Variants in RBMS3 observed in about 807,000 individuals in gnomAD.
RBMS3 encodes the protein RNA-binding motif, single-stranded-interacting protein 3.
RBMS3 carries 27 observed loss-of-function variants against 66.8 expected under a neutral mutation model. That is an observed-to-expected ratio of 0.40 (90% CI 0.30 to 0.56). The LOEUF (loss-of-function observed/expected upper bound fraction) is 0.56, where lower values mean the gene tolerates loss of function less well. Ranked by LOEUF, RBMS3 falls within the 20% of genes least tolerant of loss-of-function variation. The pLI is 0.40. For missense variants in RBMS3, 513 were observed against 549.5 expected (o/e 0.93, Z 0.66); for synonymous variants, 188 against 183.0 (o/e 1.03, Z -0.22).
chr3:29,365,589 T>C (rs1378678685), intron 1 of RBMS3, among the ~76,000 whole-genome samples: 2 of 152,158 alleles, frequency 1.3e-5, no homozygotes, highest in South Asian at 4.1e-4. Context: ...TAAGTCTCTT[T>C]GTATTCGTTC....
At chr3:29,372,719 G>A (rs1348645562) in intron 1 of RBMS3, among the ~76,000 whole-genome samples, 2 of 151,692 alleles carry the variant, frequency 1.3e-5, no homozygotes, top group African/African-American at 2.4e-5. Flanking sequence ...CTTGTGTGAT[G>A]GGAAAAGGGA....
intron 6 of RBMS3, among the ~76,000 whole-genome samples, chr3:29,799,046 GTCTTT>G (rs926671888): frequency 1.3e-5 from 2 of 151,296 alleles, no homozygotes; most frequent in African/African-American, 4.9e-5. Context: ...TTCACAGATG[GTCTTT>G]TCTTAAGCGA....
chr3:29,654,190 T>C (rs2050241195), intron 4 of RBMS3, among the ~76,000 whole-genome samples: 1 of 152,220 alleles, frequency 6.6e-6, no homozygotes, highest in Admixed American at 6.5e-5. Flanking sequence ...AGAAACACTC[T>C]GCATGTAATT....
At chr3:29,366,465 A>G (rs926700060) in intron 1 of RBMS3, among the ~76,000 whole-genome samples, 1 of 152,160 alleles carries the variant, frequency 6.6e-6, no homozygotes, top group Non-Finnish European at 1.5e-5. Context: ...AGTTAACTGC[A>G]GCTTCAAATT....
At chr3:29,569,474 G>A (rs1035653742) in intron 3 of RBMS3, among the ~76,000 whole-genome samples, 12 of 151,984 alleles carry the variant, frequency 7.9e-5, no homozygotes, top group Non-Finnish European at 1.2e-4. Context: ...ATGTAATCAT[G>A]GTACAATTAC....
intron 2 of RBMS3, among the ~76,000 whole-genome samples, chr3:29,475,784 G>A (rs1179227778): frequency 6.6e-6 from 1 of 152,096 alleles, no homozygotes; most frequent in Non-Finnish European, 1.5e-5. Flanking sequence ...GCAGTGCTTT[G>A]GATTGTGAGA....
intron 3 of RBMS3, among the ~76,000 whole-genome samples, chr3:29,570,349 T>C (rs2046907233): frequency 6.6e-6 from 1 of 152,148 alleles, no homozygotes; most frequent in Admixed American, 6.6e-5. Context: ...TTTAGTTATT[T>C]AAAAATGTAC....
intron 10 of RBMS3, among the ~76,000 whole-genome samples, chr3:29,902,972 C>T (rs1259308914): frequency 6.6e-6 from 1 of 151,730 alleles, no homozygotes; most frequent in Non-Finnish European, 1.5e-5. Flanking sequence ...GGAGGGGCAA[C>T]AACTGGTAAG....
chr3:29,819,483 A>T (rs1559705150), intron 6 of RBMS3, among the ~76,000 whole-genome samples: 1 of 152,202 alleles, frequency 6.6e-6, no homozygotes, highest in Non-Finnish European at 1.5e-5. Context: ...GTATTTTTAA[A>T]TTTTTTAAAT....
intron 1 of RBMS3, among the ~76,000 whole-genome samples, chr3:29,414,522 T>G (rs1260558934): frequency 6.6e-6 from 1 of 152,240 alleles, no homozygotes; most frequent in Non-Finnish European, 1.5e-5. Flanking sequence ...TTTCTTGCTA[T>G]TTATCCATGC....
chr3:29,595,397 TAAA>T (rs551487113), intron 4 of RBMS3, among the ~76,000 whole-genome samples: 3 of 99,942 alleles, frequency 3.0e-5, no homozygotes, highest in East Asian at 2.8e-4. Context: ...AGAGTCAGTC[TAAA>T]AAAAAAAAAA....
At chr3:29,724,640 C>T (rs1333154029) in intron 4 of RBMS3, among the ~76,000 whole-genome samples, 1 of 152,038 alleles carries the variant, frequency 6.6e-6, no homozygotes, top group East Asian at 1.9e-4. Context: ...TGATGTTTGT[C>T]ATTGTTTTAG....
At chr3:29,884,249 T>A (rs1268718320) in intron 8 of RBMS3, 41 bp downstream of exon 8, 1 of 1,524,302 alleles carries the variant, frequency 6.6e-7, no homozygotes. Flanking sequence ...TGTGAATAGA[T>A]CTTTGAGCTC....
chr3:29,517,060 A>T (rs2044655033), intron 3 of RBMS3, among the ~76,000 whole-genome samples: 1 of 151,844 alleles, frequency 6.6e-6, no homozygotes, highest in Non-Finnish European at 1.5e-5. Context: ...AAAAATACCA[A>T]AAAATTATCT....
At chr3:29,562,993 A>T (rs1307943162) in intron 3 of RBMS3, among the ~76,000 whole-genome samples, 1 of 152,222 alleles carries the variant, frequency 6.6e-6, no homozygotes, top group South Asian at 2.1e-4. Context: ...AGAAGGAAAA[A>T]AAAGGCAGAA....
chr3:29,753,488 T>A (rs928739819), intron 5 of RBMS3, among the ~76,000 whole-genome samples: 1 of 152,158 alleles, frequency 6.6e-6, no homozygotes, highest in East Asian at 1.9e-4. Context: ...AAACCTGTCT[T>A]TCTATCTAAA....
At chr3:29,920,824 A>G (rs2060753672) in intron 10 of RBMS3, among the ~76,000 whole-genome samples, 1 of 149,916 alleles carries the variant, frequency 6.7e-6, no homozygotes, top group South Asian at 2.1e-4. Context: ...AAATACAAAA[A>G]ATTAGCCAGG....
intron 4 of RBMS3, among the ~76,000 whole-genome samples, chr3:29,631,421 T>C (rs562275491): frequency 3.2e-4 from 49 of 152,004 alleles, no homozygotes; most frequent in African/African-American, 1.1e-3. Context: ...TAATAAATAT[T>C]CTTGAGTCAT....
intron 3 of RBMS3, among the ~76,000 whole-genome samples, chr3:29,568,967 A>T (rs1232374155): frequency 6.6e-6 from 1 of 152,168 alleles, no homozygotes; most frequent in Admixed American, 6.6e-5. Context: ...TTTAATGTGC[A>T]TATGGCTTTC....
Sources: allele counts gnomAD v4.1 joint callset (sites outside exome capture counted in the v4.1 genomes callset), GRCh38; gene constraint gnomAD v4.1.1; transcripts MANE v1.5; gene names NCBI Gene and HGNC (gene_info 2026-07-23, HGNC 2026-07-21).